USP15: variants seen among roughly 807,000 people sequenced by gnomAD.
USP15 encodes the protein ubiquitin specific peptidase 15, also known as ubiquitin carboxyl-terminal hydrolase 15.
A neutral mutation model predicts 127.1 loss-of-function variants in USP15; 18 were observed. The ratio of observed to expected loss-of-function variants is 0.14; its 90% CI spans 0.10 to 0.21. The LOEUF (loss-of-function observed/expected upper bound fraction) is 0.21, where lower values mean the gene tolerates loss of function less well. Ranked by LOEUF, USP15 falls within the 10% of genes least tolerant of loss-of-function variation. The pLI, the probability that USP15 is intolerant of heterozygous loss-of-function variation, is 1.00. For missense variants in USP15, 805 were observed against 1,159.9 expected (o/e 0.69, Z 4.44); for synonymous variants, 364 against 393.7 (o/e 0.92, Z 0.89).
chr12:62,304,886 A>G (rs190741985), intron 3 of USP15: 123 of 251,870 alleles, frequency 4.9e-4, no homozygotes, highest in Middle Eastern at 3.0e-3. Context: ...AGAAGAAGCA[A>G]ATAGAATTCT....
At chr12:62,279,858 T>G (rs1320096110) in intron 1 of USP15, among the ~76,000 whole-genome samples, 1 of 152,200 alleles carries the variant, frequency 6.6e-6, no homozygotes, top group Non-Finnish European at 1.5e-5. Flanking sequence ...GCCTATTAGT[T>G]TGTAATGATG....
intron 1 of USP15, among the ~76,000 whole-genome samples, chr12:62,285,033 G>A (rs139600894): frequency 0.012 from 1,859 of 152,192 alleles, 25 homozygotes; most frequent in Non-Finnish European, 0.021. Flanking sequence ...GGAACAGTCA[G>A]AGATAGTATT....
chr12:62,339,540 C>G (rs2137372808), intron 6 of USP15, among the ~76,000 whole-genome samples: 1 of 152,016 alleles, frequency 6.6e-6, no homozygotes, highest in East Asian at 1.9e-4. Flanking sequence ...ATAAATAGCT[C>G]TTATTATTTT....
rs74363898 is a variant in USP15 at position 62,370,280 on chromosome 12, C to T, written c.916-11210C>T. Among the ~76,000 whole-genome samples, 732 of 152,240 alleles carry T rather than the reference C, an allele frequency of 4.8e-3. 3 individuals are homozygous for T. The highest frequency in any genetic ancestry group is 0.016 in the African/African-American group (652 of 41,556). On this transcript the variant is annotated intron_variant, in intron 8 of 21. Transcript: ENST00000280377. ...TCTTCACTGTCTTTCTTCCTTTCAG[C>T]GTATATACATAGTCAAGTCTTTTTT...
At chr12:62,349,348 C>A in intron 7 of USP15, 41 bp downstream of exon 7, 2 of 1,306,938 alleles carry the variant, frequency 1.5e-6, no homozygotes, top group Non-Finnish European at 1.0e-6. Flanking sequence ...TAATTGATCA[C>A]CCTATTATGG....
At chr12:62,297,560 A>G (rs1592526805) in intron 2 of USP15, among the ~76,000 whole-genome samples, 1 of 72,946 alleles carries the variant, frequency 1.4e-5, no homozygotes, top group South Asian at 4.3e-4. Flanking sequence ...TGGGTTTCTG[A>G]AAAAAAAGGA....
intron 6 of USP15, among the ~76,000 whole-genome samples, chr12:62,342,374 G>A (rs959162064): frequency 6.6e-6 from 1 of 152,068 alleles, no homozygotes; most frequent in African/African-American, 2.4e-5. Context: ...TTAGCTCAGA[G>A]GAGTTTGTTA....
At position 62,384,111 on chromosome 12, in the gene USP15, A is replaced by C. The variant is rs745933765; in HGVS notation, c.1282A>C (p.Lys428Gln). The change falls in exon 11 of 22, where the codon AAA (lysine) becomes CAA (glutamine). Residue 428 changes from lysine to glutamine, a missense_variant. Transcript: ENST00000280377. ...CGAAGAAGCCTGGGAAAACCATTTA[A>C]AACGAAATGATTCTATCATAGTAGA... is the stretch of plus-strand genomic sequence containing the variant. ...VAEEAWENHL[K>Q]RNDSIIVDIF... 1.2e-6 allele frequency: 2 copies of C among 1,612,814 alleles called. No individual in the cohort carries two copies. The highest frequency in any genetic ancestry group is 8.5e-7 in the Non-Finnish European group (1 of 1,179,236).
At chr12:62,401,715 A>G (rs2067694898) in intron 21 of USP15, among the ~76,000 whole-genome samples, 5 of 151,942 alleles carry the variant, frequency 3.3e-5, no homozygotes, top group African/African-American at 1.2e-4. Context: ...ACATAATTAG[A>G]TAAAACAAAT....
chr12:62,373,814 A>C (rs1056571161), intron 8 of USP15, among the ~76,000 whole-genome samples: 2 of 151,992 alleles, frequency 1.3e-5, no homozygotes, highest in East Asian at 3.8e-4. Context: ...AAATTTAATG[A>C]GATTTCCCTT....
intron 20 of USP15, 95 bp from the exon 21 acceptor site, chr12:62,401,092 A>T: frequency 1.4e-6 from 1 of 714,352 alleles, no homozygotes; most frequent in Non-Finnish European, 2.3e-6. Context: ...TATCAGTGTT[A>T]ATAGATATTC....
intron 4 of USP15, among the ~76,000 whole-genome samples, chr12:62,317,832 ATCT>A (rs904400800): frequency 2.0e-5 from 3 of 152,202 alleles, no homozygotes; most frequent in Non-Finnish European, 2.9e-5. Flanking sequence ...CAGGGCCAAA[ATCT>A]TCTGCCTTCA....
chr12:62,336,429 T>C, intron 6 of USP15: 16 of 985,406 alleles, frequency 1.6e-5, no homozygotes, highest in Non-Finnish European at 1.9e-5. Flanking sequence ...TTTCTTCTCT[T>C]GTCTAGTTAG....
Position 62,390,880 on chromosome 12 carries a change from T to C in USP15, c.1861T>C (p.Ser621Pro), listed in dbSNP as rs777034261. 6.2e-7 allele frequency: 1 copy of C among 1,610,662 alleles called. No individual in the cohort carries two copies. Among genetic ancestry groups the C allele is most frequent in the South Asian group, 1.1e-5 (1 of 90,642 alleles). The change falls in exon 15 of 22, where the codon TCT becomes CCT. Residue 621 changes from serine to proline, a missense_variant. Ser to Pro is a moderately conservative substitution (Grantham distance 74). Transcript: ENST00000280377. ...TTACTTAAGCCGATATGTCAAAATA[T>C]CTACTGAAACTGAAGAAACTGAAGG... The part of the protein sequence containing the change: ...LLRMCRYVKI[S>P]TETEETEGSL...
chr12:62,340,118 G>A (rs956489699), intron 6 of USP15, among the ~76,000 whole-genome samples: 14 of 152,110 alleles, frequency 9.2e-5, no homozygotes, highest in African/African-American at 2.9e-4. Context: ...TCTGGGGAGG[G>A]TGTATGTGTC....
chr12:62,321,226 C>G (rs926411475), intron 4 of USP15, among the ~76,000 whole-genome samples: 16 of 152,082 alleles, frequency 1.1e-4, no homozygotes, highest in Non-Finnish European at 1.8e-4. Context: ...TGATTGAACT[C>G]TTACCTTTTG....
intron 1 of USP15, among the ~76,000 whole-genome samples, chr12:62,280,613 G>A (rs1440584716): frequency 6.6e-6 from 1 of 152,132 alleles, no homozygotes; most frequent in African/African-American, 2.4e-5. Flanking sequence ...CTGCCCTTAT[G>A]ATCTAATCAC....
At chr12:62,315,058 A>G in intron 4 of USP15, 142 bp downstream of exon 4, 1 of 747,526 alleles carries the variant, frequency 1.3e-6, no homozygotes, top group Non-Finnish European at 1.9e-6. Context: ...ACAATGTCTT[A>G]GAGTTAAATT....
intron 1 of USP15, chr12:62,277,777 A>G (rs769576201): frequency 2.6e-5 from 4 of 152,164 alleles, no homozygotes; most frequent in Non-Finnish European, 5.9e-5. Flanking sequence ...GCTGCATTCA[A>G]AGGTGTCCTG....
Sources: allele counts gnomAD v4.1 joint callset (sites outside exome capture counted in the v4.1 genomes callset), GRCh38; gene constraint gnomAD v4.1.1; transcripts MANE v1.5; gene names NCBI Gene and HGNC (gene_info 2026-07-23, HGNC 2026-07-21).